Variants in NHSL2 observed in about 807,000 individuals in gnomAD.
NHSL2 encodes NHS like 2.
In NHSL2, 27 loss-of-function variants were observed where a neutral mutation model predicts 53.4. That is an observed-to-expected ratio of 0.51 (90% CI 0.37 to 0.70). NHSL2 has a LOEUF of 0.70. NHSL2 is among the 30% of genes least tolerant of loss of function. The probability of loss-of-function intolerance (pLI) is 0.00; values close to 1 mark genes in which losing one functional copy is unlikely to be tolerated. For missense variants in NHSL2, 892 were observed against 980.1 expected, an observed-to-expected ratio of 0.91 and a Z score of 1.20; for synonymous variants, 408 against 404.1, an observed-to-expected ratio of 1.01 and a Z score of -0.12.
intron 1 of NHSL2, among the ~76,000 whole-genome samples, chrX:72,048,070 GATAACAATAATAATAATAATAATAATA>G (rs1350861869): frequency 2.0e-5 from 2 of 101,793 alleles, no homozygotes; most frequent in Non-Finnish European, 3.9e-5. Flanking sequence ...CACTCATGAT[GATAACAATAATAATAATAATAATAATA>G]ATAATAATAA....
At chrX:71,954,051 C>T (rs918815653) in intron 1 of NHSL2, among the ~76,000 whole-genome samples, 1 of 112,348 alleles carries the variant, frequency 8.9e-6, no homozygotes, top group Non-Finnish European at 1.9e-5. Context: ...CTGCACTAAG[C>T]TTGACTTCTG....
chrX:72,092,788 T>C (rs1327211302), intron 1 of NHSL2, among the ~76,000 whole-genome samples: 2 of 112,154 alleles, frequency 1.8e-5, no homozygotes, highest in East Asian at 5.5e-4. Flanking sequence ...AAGTGAAGTA[T>C]TGAGAAGAAC....
intron 1 of NHSL2, among the ~76,000 whole-genome samples, 157 bp downstream of exon 1, chrX:71,911,524 C>G (rs768302036): frequency 1.6e-4 from 18 of 112,095 alleles, no homozygotes; most frequent in African/African-American, 5.2e-4. Flanking sequence ...CCCCGACCCC[C>G]GCCTCCGCCC....
chrX:72,145,503 A>ACCAAATT lies in NHSL2; in HGVS notation c.*1940_*1946dup, dbSNP rs2042457451. On this transcript the variant is annotated 3_prime_UTR_variant, in exon 8 of 8. Coordinates refer to ENST00000633930, the MANE Select transcript of NHSL2 (RefSeq NM_001013627.3). The stretch of plus-strand genomic sequence containing the variant: ...AGAACTACTTGGTGTGAAGTTCTTA[A>ACCAAATT]CCAAATTCCAAATTCCAGGGATTTT... 1 of 112,778 alleles carries ACCAAATT rather than the reference A, an allele frequency of 8.9e-6. No homozygotes were observed. Among genetic ancestry groups the ACCAAATT allele is most frequent in the Non-Finnish European group, 1.9e-5 (1 of 53,392 alleles). 9.3% of individuals were successfully genotyped at this position (112,778 alleles called of 1,213,427 possible).
Position 71,924,014 on chromosome X carries a change from T to C in NHSL2, c.280+12647T>C, listed in dbSNP as rs142107413. On this transcript the variant is annotated intron_variant, in intron 1 of 7. Transcript: ENST00000633930. ...GGAAAGCAGTTTATCTTTAATCTGG[T>C]GATTTAGAGCTGACTCTGAGGGGTA... Among the ~76,000 whole-genome samples the C allele has an allele frequency of 1.8e-4, 20 of 112,175 alleles. No homozygotes were observed. In the East Asian group the frequency reaches 5.6e-3, roughly 31 times the overall value.
At chrX:71,977,205 A>G (rs72630025) in intron 1 of NHSL2, among the ~76,000 whole-genome samples, 16,870 of 111,148 alleles carry the variant, frequency 0.15, 1,827 homozygotes, top group African/African-American at 0.37. Context: ...TGCCACTTAA[A>G]TCTGTGTAAC....
At chrX:71,920,872 C>T (rs900304876) in intron 1 of NHSL2, among the ~76,000 whole-genome samples, 3 of 110,186 alleles carry the variant, frequency 2.7e-5, no homozygotes, top group Non-Finnish European at 5.7e-5. Flanking sequence ...GGTGCGATCT[C>T]GGCCCACTGC....
rs55842085 is a variant in NHSL2 at position 72,025,513 on chromosome X, A to C, written c.281-106566A>C. 8.1e-3 allele frequency among the ~76,000 whole-genome samples: 912 copies of C among 112,640 alleles called. 5 individuals are homozygous for C. Among genetic ancestry groups the C allele is most frequent in the Non-Finnish European group, 0.013 (714 of 53,253 alleles). The stretch of plus-strand genomic sequence containing the variant: ...TAGACAGGAGGGAAGCCTTGTCTAC[A>C]GTCACCAGCATGTAAGTGCGGAGCT... On this transcript the variant is annotated intron_variant, in intron 1 of 7. Coordinates refer to ENST00000633930, the MANE Select transcript of NHSL2 (RefSeq NM_001013627.3).
At chrX:72,033,767 T>C (rs994783954) in intron 1 of NHSL2, among the ~76,000 whole-genome samples, 2 of 112,145 alleles carry the variant, frequency 1.8e-5, no homozygotes, top group Non-Finnish European at 3.8e-5. Context: ...AAGTCATTTA[T>C]TAGTTCTAAG....
intron 1 of NHSL2, among the ~76,000 whole-genome samples, chrX:71,943,871 G>A (rs72630023): frequency 0.12 from 12,973 of 111,535 alleles, 963 homozygotes; most frequent in African/African-American, 0.25. Flanking sequence ...TCTGCCATCC[G>A]TAGTGAATTG....
chrX:72,007,789 G>A (rs1296166957), intron 1 of NHSL2, among the ~76,000 whole-genome samples: 1 of 113,338 alleles, frequency 8.8e-6, no homozygotes, highest in African/African-American at 3.2e-5. Flanking sequence ...CCCTTGATGA[G>A]CGGGCCAGGA....
chrX:71,995,045 C>T lies in NHSL2; in HGVS notation c.280+83678C>T, dbSNP rs752631727. On this transcript the variant is annotated intron_variant, in intron 1 of 7. Transcript: ENST00000633930. ...CTGCTGCTCCTGCAGTTTTCACCAT[C>T]TCAGTTAATGGCAGTCTCAACTTTC... is the stretch of plus-strand genomic sequence containing the variant. Among the ~76,000 whole-genome samples, 64 of 112,346 alleles carry T rather than the reference C, an allele frequency of 5.7e-4. No homozygotes were observed. The South Asian group carries it at 0.022, about 39-fold the overall frequency.
chrX:72,137,007 T>TGG, intron 4 of NHSL2, 87 bp from the exon 5 acceptor site: 4 of 805,565 alleles, frequency 5.0e-6, no homozygotes, highest in Non-Finnish European at 7.1e-6. Flanking sequence ...TTATCACGAC[T>TGG]GCCATCATTC....
intron 1 of NHSL2, among the ~76,000 whole-genome samples, chrX:71,952,722 A>G (rs2041826340): frequency 1.8e-5 from 2 of 110,673 alleles, no homozygotes; most frequent in Non-Finnish European, 3.8e-5. Flanking sequence ...GGGGGCTACC[A>G]ATGTTCAGAG....
rs903766203 is a variant in NHSL2, at chrX:72,139,291, G to A, written c.1743G>A (p.Glu581=). 1 of 1,205,884 alleles carries A rather than the reference G, an allele frequency of 8.3e-7. No homozygotes were observed. The highest frequency in any genetic ancestry group is 1.1e-6 in the Non-Finnish European group (1 of 892,401). The change falls in exon 6 of 8, where the codon GAG becomes GAA. Residue 581 remains glutamate (E), a synonymous_variant. Transcript: ENST00000633930. ...PTRSVSLVKD[E]PGLLPEGGSA... Reference sequence around the variant, plus strand: ...GCAGTGTCTCACTGGTCAAAGATGAGCCAGGCCTCTTGCCTGAAGGTGGGT... The same window carrying A: ...GCAGTGTCTCACTGGTCAAAGATGAACCAGGCCTCTTGCCTGAAGGTGGGT...
In NHSL2 at chrX:71,911,297, G is replaced by A. The variant is rs1159622306; in HGVS notation, c.210G>A (p.Arg70=). 5 of 1,131,237 alleles carry A rather than the reference G, an allele frequency of 4.4e-6. No individual in the cohort carries two copies. The highest frequency in any genetic ancestry group is 4.7e-6 in the Non-Finnish European group (4 of 858,632). 93.2% of individuals were successfully genotyped at this position (1,131,237 alleles called of 1,213,427 possible). The change falls in exon 1 of 8, where the codon CGG becomes CGA. Residue 70 remains arginine, a synonymous_variant. Coordinates refer to ENST00000633930, the MANE Select transcript of NHSL2 (RefSeq NM_001013627.3). ...GGCGCCGCACAGACAGCCTGTACCG[G>A]CGCACCGTGCGCCTCCGCCGCCGCC... ...ALGRRTDSLY[R]RTVRLRRRLP... is the part of the protein sequence containing the mutation.
At chrX:71,976,980 G>A (rs1257745170) in intron 1 of NHSL2, among the ~76,000 whole-genome samples, 3 of 112,495 alleles carry the variant, frequency 2.7e-5, no homozygotes, top group African/African-American at 9.7e-5. Flanking sequence ...GCTGAAGTCA[G>A]CACAAGGGAC....
intron 1 of NHSL2, chrX:72,128,682 C>T (rs770832060): frequency 4.4e-5 from 5 of 112,814 alleles, no homozygotes; most frequent in African/African-American, 1.6e-4. Context: ...GTGCAGCCTT[C>T]CTCTCTCCTC....
Position 72,142,375 on chromosome X carries a change from A to G in NHSL2, c.3356+11A>G. 4.5e-6 allele frequency: 5 copies of G among 1,115,983 alleles called. No homozygotes were observed. Among genetic ancestry groups the G allele is most frequent in the Non-Finnish European group, 6.0e-6 (5 of 839,064 alleles). The allele number at this position is 1,115,983 out of a possible 1,213,427, so 92.0% of individuals were successfully genotyped here. A position where few individuals can be genotyped will look rare whatever the true frequency, so the allele number is the denominator to read the frequency against. On this transcript the variant is annotated intron_variant, in intron 7 of 7. Transcript: ENST00000633930. ...TACTGTGATACACAGGTCTGCACCAATTTCCTTAATTCTAATTGCAATTGC... is the reference window on the plus strand; with the variant it reads ...TACTGTGATACACAGGTCTGCACCAGTTTCCTTAATTCTAATTGCAATTGC...
Sources: allele counts gnomAD v4.1 joint callset (sites outside exome capture counted in the v4.1 genomes callset), GRCh38; gene constraint gnomAD v4.1.1; transcripts MANE v1.5; gene names NCBI Gene and HGNC (gene_info 2026-07-23, HGNC 2026-07-21).